CHN1: variants seen among roughly 807,000 people sequenced by gnomAD.
CHN1 encodes N-chimaerin.
CHN1 carries 37 observed loss-of-function variants against 59.5 expected under a neutral mutation model. That is an observed-to-expected ratio of 0.62 (90% confidence interval 0.48 to 0.82). The LOEUF is 0.82. CHN1 is among the 40% of genes least tolerant of loss of function. CHN1 has a pLI of 0.00. For missense variants in CHN1, 469 were observed against 571.0 expected (o/e 0.82, Z 1.82); for synonymous variants, 206 against 200.4 (o/e 1.03, Z -0.24).
intron 3 of CHN1, among the ~76,000 whole-genome samples, chr2:174,941,114 T>C (rs1689648808): frequency 1.3e-5 from 2 of 152,322 alleles, no homozygotes; most frequent in South Asian, 4.1e-4. Context: ...TTTTAGATGT[T>C]CAAATTGTTT....
At chr2:174,988,910 CGTAA>C (rs1250645630) in intron 1 of CHN1, among the ~76,000 whole-genome samples, 17 of 152,036 alleles carry the variant, frequency 1.1e-4, no homozygotes, top group Non-Finnish European at 2.9e-5. Flanking sequence ...GCATTCAAAT[CGTAA>C]GTCAGAAAAA....
chr2:174,863,898 ATTAT>A (rs760049494), intron 6 of CHN1, among the ~76,000 whole-genome samples: 175 of 152,296 alleles, frequency 1.1e-3, no homozygotes, highest in Non-Finnish European at 1.9e-3. Context: ...TTAATAAAAA[ATTAT>A]TTATCACTGC....
At chr2:174,840,178 T>C (rs1352217411) in intron 7 of CHN1, among the ~76,000 whole-genome samples, 1 of 142,432 alleles carries the variant, frequency 7.0e-6, no homozygotes, top group African/African-American at 2.6e-5. Context: ...TTTTTTTTTT[T>C]TTTTTTTTGA....
intron 6 of CHN1, among the ~76,000 whole-genome samples, chr2:174,857,860 A>T (rs1362677717): frequency 6.6e-6 from 1 of 152,216 alleles, no homozygotes; most frequent in Admixed American, 6.5e-5. Flanking sequence ...TTTGTCAACA[A>T]TAAGGAACTT....
intron 1 of CHN1, among the ~76,000 whole-genome samples, chr2:174,992,311 T>C (rs552566608): frequency 3.9e-5 from 6 of 152,150 alleles, no homozygotes; most frequent in African/African-American, 2.4e-5. Flanking sequence ...AGGCTGGAGA[T>C]AGATAAAAGA....
intron 1 of CHN1, among the ~76,000 whole-genome samples, chr2:174,986,729 T>A (rs1443419958): frequency 6.6e-6 from 1 of 152,228 alleles, no homozygotes; most frequent in Admixed American, 6.5e-5. Context: ...CTTTTCCTTA[T>A]GATTTTTTGT....
In CHN1 at chr2:174,952,139, C is replaced by A. The variant is rs1307333964; in HGVS notation, c.58+25G>T. 12 of 1,355,906 alleles carry A rather than the reference C, an allele frequency of 8.9e-6. No individual in the cohort carries two copies. The African/African-American group carries it at 1.2e-4, about 14-fold the overall frequency. 84.0% of individuals were successfully genotyped at this position (1,355,906 alleles called of 1,614,324 possible). Reference sequence around the variant, plus strand: ...TTATATTACTTATAAAGCACTATAACCCACACAATTATTTGTAGACTTACA... The same window carrying A: ...TTATATTACTTATAAAGCACTATAAACCACACAATTATTTGTAGACTTACA... On this transcript the variant is annotated intron_variant, in intron 2 of 12. Transcript: ENST00000409900.
intron 7 of CHN1, chr2:174,837,372 C>T (rs1288098875): frequency 2.0e-5 from 3 of 152,176 alleles, no homozygotes; most frequent in Admixed American, 1.3e-4. Flanking sequence ...TATTTTAGGC[C>T]TGATTTGGGC....
At chr2:174,864,472 C>T (rs1687156026) in intron 6 of CHN1, among the ~76,000 whole-genome samples, 1 of 152,090 alleles carries the variant, frequency 6.6e-6, no homozygotes, top group Admixed American at 6.5e-5. Flanking sequence ...TCTTAGTTAT[C>T]AGATTTCATT....
rs1032359235 is a variant in CHN1 at position 175,005,379 on chromosome 2, C to T, written c.-467G>A. On this transcript the variant is annotated 5_prime_UTR_variant, in exon 1 of 13. Transcript: ENST00000409900. ...GACGCCATCTTGCGATAGCGTCTCC[C>T]ACGAGCTCGGCCGCGCCGCTGCCTC... 1.3e-4 allele frequency: 144 copies of T among 1,071,990 alleles called. No homozygotes were observed. Among genetic ancestry groups the T allele is most frequent in the Non-Finnish European group, 1.6e-4 (142 of 880,352 alleles). 66.4% of individuals were successfully genotyped at this position (1,071,990 alleles called of 1,614,324 possible).
chr2:174,821,948 T>G (rs1383671230), intron 8 of CHN1, among the ~76,000 whole-genome samples: 3 of 152,224 alleles, frequency 2.0e-5, no homozygotes, highest in African/African-American at 7.2e-5. Flanking sequence ...AGCGGACATC[T>G]CTGGGGAGCT....
At chr2:174,913,470 A>T (rs1341756562) in intron 5 of CHN1, among the ~76,000 whole-genome samples, 1 of 152,186 alleles carries the variant, frequency 6.6e-6, no homozygotes, top group African/African-American at 2.4e-5. Flanking sequence ...GATTTGCCCC[A>T]AATCAGTCTT....
chr2:174,970,903 CAAACA>C (rs1052887573), intron 1 of CHN1, among the ~76,000 whole-genome samples: 1 of 152,110 alleles, frequency 6.6e-6, no homozygotes, highest in Non-Finnish European at 1.5e-5. Flanking sequence ...TCATATATCC[CAAACA>C]AAACAATATA....
chr2:175,003,312 T>G (rs1691948802), intron 1 of CHN1, among the ~76,000 whole-genome samples: 1 of 152,366 alleles, frequency 6.6e-6, no homozygotes, highest in South Asian at 2.1e-4. Context: ...ACATTATTCA[T>G]TTTGAAGGCT....
chr2:174,822,043 A>T (rs1196218892), intron 8 of CHN1, among the ~76,000 whole-genome samples: 5 of 152,352 alleles, frequency 3.3e-5, no homozygotes, highest in Non-Finnish European at 7.3e-5. Context: ...CAAAGGCCAG[A>T]TGAGCCTCAA....
intron 6 of CHN1, among the ~76,000 whole-genome samples, chr2:174,874,322 C>T (rs1687494784): frequency 6.6e-6 from 1 of 152,076 alleles, no homozygotes; most frequent in Non-Finnish European, 1.5e-5. Context: ...TAACTTAAGC[C>T]ATTTTAGAAG....
intron 5 of CHN1, among the ~76,000 whole-genome samples, chr2:174,888,762 T>C (rs1005702877): frequency 3.9e-5 from 6 of 152,178 alleles, no homozygotes; most frequent in Non-Finnish European, 7.3e-5. Flanking sequence ...GAGTGGAACA[T>C]GCATGCAATG....
intron 8 of CHN1, among the ~76,000 whole-genome samples, chr2:174,819,056 T>C (rs1031818405): frequency 6.6e-6 from 1 of 152,218 alleles, no homozygotes; most frequent in East Asian, 1.9e-4. Context: ...TGAATTTTAA[T>C]ATGCATCAGA....
At chr2:174,983,847 A>AATAC (rs1691245712) in intron 1 of CHN1, among the ~76,000 whole-genome samples, 1 of 152,128 alleles carries the variant, frequency 6.6e-6, no homozygotes, top group African/African-American at 2.4e-5. Flanking sequence ...TAAATAAATA[A>AATAC]ATAAATAAGC....
Sources: gnomAD v4.1 joint callset for allele counts (sites outside exome capture counted in the v4.1 genomes callset) on GRCh38, gnomAD v4.1.1 for gene constraint, MANE v1.5 for transcripts, NCBI Gene and HGNC (gene_info 2026-07-23, HGNC 2026-07-21) for gene names.